GATA6: variants seen among roughly 807,000 people sequenced by gnomAD.
The protein encoded by GATA6 is transcription factor GATA-6.
GATA6 carries 11 observed loss-of-function variants against 48.1 expected under a neutral mutation model. That is an observed-to-expected ratio of 0.23 (90% CI 0.14 to 0.38). The LOEUF (loss-of-function observed/expected upper bound fraction) is 0.38, where lower values mean the gene tolerates loss of function less well. Among genes scored for constraint, GATA6 ranks in the 10% least tolerant of loss-of-function variants. The pLI is 1.00. For synonymous variants in GATA6, 419 were observed against 396.1 expected, an observed-to-expected ratio of 1.06 and a Z score of -0.69; for missense variants, 795 against 850.3, an observed-to-expected ratio of 0.93 and a Z score of 0.81.
rs62092221 is a variant in GATA6, at chr18:22,174,544, T to C, written c.1135+2265T>C. On this transcript the variant is annotated intron_variant, in intron 2 of 6. Transcript: ENST00000269216. Reference sequence around the variant, plus strand: ...ATTTTTTTAAGTATTTTTTTAAGTATGTTTAAAAAAATGGGAAGGGATTTG... The same window carrying C: ...ATTTTTTTAAGTATTTTTTTAAGTACGTTTAAAAAAATGGGAAGGGATTTG... Among the ~76,000 whole-genome samples the C allele has an allele frequency of 5.8e-3, 882 of 152,256 alleles. 3 individuals are homozygous for C. The highest frequency in any genetic ancestry group is 0.01 in the Non-Finnish European group (704 of 68,018).
Position 22,171,324 on chromosome 18 carries a change from C to A in GATA6, c.180C>A (p.Cys60Ter), listed in dbSNP as rs1431278250. 1.3e-6 allele frequency: 2 copies of A among 1,587,778 alleles called. No homozygotes were observed. Among genetic ancestry groups the A allele is most frequent in the Admixed American group, 1.7e-5 (1 of 59,186 alleles). Residue 60 changes from cysteine (C) to a stop codon, truncating the protein, a stop_gained, in exon 2 of 7, where the codon TGC becomes TGA. Coordinates refer to ENST00000269216, the MANE Select transcript of GATA6 (RefSeq NM_005257.6). LOFTEE classifies it high-confidence loss of function. This position sits in a 1 kb window ranked among gnomAD's most constrained non-coding sequence, Gnocchi z 7.1. Reference sequence around the variant, plus strand: ...GGGGCCCCGGCGGCGCCAGCAACTGCGGGACGCCTCAGCTCGACACGGAGG... The same window carrying A: ...GGGGCCCCGGCGGCGCCAGCAACTGAGGGACGCCTCAGCTCGACACGGAGG... Reference protein sequence around the residue: ...GERGPGGASNCGTPQLDTEAA... With the variant: ...GERGPGGASN
At chr18:22,190,847 C>T (rs1399280905) in intron 6 of GATA6, among the ~76,000 whole-genome samples, 1 of 152,150 alleles carries the variant, frequency 6.6e-6, no homozygotes, top group Non-Finnish European at 1.5e-5. Context: ...CCCTATGTGC[C>T]AGGCTCCCTT....
At chr18:22,198,650 A>G (rs2033420379) in intron 6 of GATA6, among the ~76,000 whole-genome samples, 1 of 152,246 alleles carries the variant, frequency 6.6e-6, no homozygotes, top group South Asian at 2.1e-4. Flanking sequence ...TTCTTTTGTA[A>G]TTGAATATCA....
rs2033251110 is a variant in GATA6 at position 22,185,385 on chromosome 18, G to A, written c.1620+2342G>A. Among the ~76,000 whole-genome samples the A allele has an allele frequency of 1.3e-5, 2 of 152,242 alleles. No homozygotes were observed. Among genetic ancestry groups the A allele is most frequent in the Admixed American group, 6.5e-5 (1 of 15,284 alleles). ...TCTTCAGCTGCAAGCTTCCATCCCT[G>A]CGGTAGTCTAGGCAGCCTCCACGGG... On this transcript the variant is annotated intron_variant, in intron 6 of 6. Coordinates refer to ENST00000269216, the MANE Select transcript of GATA6 (RefSeq NM_005257.6). The surrounding 1 kb of genome is among the most constrained non-coding windows in gnomAD (Gnocchi z 4.3).
chr18:22,176,781 T>G, intron 2 of GATA6, 174 bp from the exon 3 acceptor site: 1 of 692,580 alleles, frequency 1.4e-6, no homozygotes, highest in Non-Finnish European at 2.3e-6. Flanking sequence ...AGTGGAGCAA[T>G]AGTGACGAAA....
Position 22,172,364 on chromosome 18 carries a change from C to G in GATA6, c.1135+85C>G. ...GTGGAGCAGCTGCTCCACTCGGGCCCTGTTTTCAGGACTTTCTCGTCCGGG... is the reference window on the plus strand; with the variant it reads ...GTGGAGCAGCTGCTCCACTCGGGCCGTGTTTTCAGGACTTTCTCGTCCGGG... On this transcript the variant is annotated intron_variant, in intron 2 of 6. Coordinates refer to ENST00000269216, the MANE Select transcript of GATA6 (RefSeq NM_005257.6). The surrounding 1 kb of genome is among the most constrained non-coding windows in gnomAD (Gnocchi z 5.2). 6.7e-7 allele frequency: 1 copy of G among 1,488,038 alleles called. No homozygotes were observed. The highest frequency in any genetic ancestry group is 2.2e-5 in the Admixed American group (1 of 46,340). The allele number at this position is 1,488,038 out of a possible 1,614,324, so 92.2% of individuals were successfully genotyped here. A position where few individuals can be genotyped will look rare whatever the true frequency, so the allele number is the denominator to read the frequency against.
intron 3 of GATA6, among the ~76,000 whole-genome samples, chr18:22,179,762 T>C (rs1404510492): frequency 1.3e-5 from 2 of 152,206 alleles, no homozygotes; most frequent in Admixed American, 6.5e-5. Context: ...CCCAGGTAGC[T>C]CTCCTGTGAG....
In GATA6 at chr18:22,201,164, T is replaced by G. The variant is rs954100957; in HGVS notation, c.*341T>G. 11 of 323,008 alleles carry G rather than the reference T, an allele frequency of 3.4e-5. No homozygotes were observed. The highest frequency in any genetic ancestry group is 9.9e-4 in the Middle Eastern group (1 of 1,006). The allele number at this position is 323,008 out of a possible 1,614,324, so 20.0% of individuals were successfully genotyped here. On this transcript the variant is annotated 3_prime_UTR_variant, in exon 7 of 7. Transcript: ENST00000269216. The stretch of plus-strand genomic sequence containing the variant: ...AGATTTTGCATTTTGTCCAAAATCA[T>G]GTGCTTCTTCTGATCAATTTTGGTT...
At chr18:22,177,252 C>T in intron 3 of GATA6, 131 bp downstream of exon 3, 1 of 812,588 alleles carries the variant, frequency 1.2e-6, no homozygotes, top group Non-Finnish European at 1.8e-6. Flanking sequence ...TGCGGTCCCA[C>T]CCTAGCGGGG....
intron 2 of GATA6, among the ~76,000 whole-genome samples, chr18:22,173,053 A>G (rs917040370): frequency 6.6e-6 from 1 of 152,174 alleles, no homozygotes; most frequent in Non-Finnish European, 1.5e-5. Context: ...CTCCCTTCGA[A>G]GTTTAGCCCG....
Position 22,185,032 on chromosome 18 carries a change from G to C in GATA6, c.1620+1989G>C, listed in dbSNP as rs566947955. On this transcript the variant is annotated intron_variant, in intron 6 of 6. Transcript: ENST00000269216. This position sits in a 1 kb window ranked among gnomAD's most constrained non-coding sequence, Gnocchi z 4.3. ...ATATATACCCAACAATGGGCTTCGG[G>C]GACTTGGAACCATTGTGGGTGGAGT... Among the ~76,000 whole-genome samples the C allele has an allele frequency of 6.6e-6, 1 of 152,126 alleles. No homozygotes were observed. The highest frequency in any genetic ancestry group is 1.5e-5 in the Non-Finnish European group (1 of 68,028).
intron 6 of GATA6, among the ~76,000 whole-genome samples, chr18:22,192,966 G>A (rs2033346024): frequency 6.6e-6 from 1 of 152,116 alleles, no homozygotes; most frequent in Non-Finnish European, 1.5e-5. Context: ...GCATAGAATT[G>A]CTTTCGTCTT....
At chr18:22,197,719 A>C (rs1253032492) in intron 6 of GATA6, among the ~76,000 whole-genome samples, 2 of 152,236 alleles carry the variant, frequency 1.3e-5, no homozygotes, top group African/African-American at 4.8e-5. Flanking sequence ...ACCCAGGCAC[A>C]GAGGAGGCTC....
Position 22,200,955 on chromosome 18 carries a change from G to C in GATA6, c.*132G>C. On this transcript the variant is annotated 3_prime_UTR_variant, in exon 7 of 7. Coordinates refer to ENST00000269216, the MANE Select transcript of GATA6 (RefSeq NM_005257.6). ...ATTCTCGTGCCTTTATTTTGAAAGA[G>C]ATGTTTTTCCCAAGAGGCTTGCTGA... is the stretch of plus-strand genomic sequence containing the variant. The C allele has an allele frequency of 9.5e-7, 1 of 1,050,110 alleles. No individual in the cohort carries two copies. The allele number at this position is 1,050,110 out of a possible 1,614,324, so 65.0% of individuals were successfully genotyped here. A position where few individuals can be genotyped will look rare whatever the true frequency, so the allele number is the denominator to read the frequency against.
Position 22,201,425 on chromosome 18 carries a change from G to C in GATA6, c.*602G>C, listed in dbSNP as rs1414125792. The stretch of plus-strand genomic sequence containing the variant: ...TGAAGTCAGTCGGAATTTGTAAACA[G>C]GGTAGCAAACAAGATATTTTTCTTC... On this transcript the variant is annotated 3_prime_UTR_variant, in exon 7 of 7. Coordinates refer to ENST00000269216, the MANE Select transcript of GATA6 (RefSeq NM_005257.6). 1 of 153,488 alleles carries C rather than the reference G, an allele frequency of 6.5e-6. No individual in the cohort carries two copies. The highest frequency in any genetic ancestry group is 1.5e-5 in the Non-Finnish European group (1 of 68,676). The allele number at this position is 153,488 out of a possible 1,614,324, so 9.5% of individuals were successfully genotyped here.
chr18:22,192,170 T>A (rs1000589576), intron 6 of GATA6, among the ~76,000 whole-genome samples: 1 of 152,202 alleles, frequency 6.6e-6, no homozygotes, highest in African/African-American at 2.4e-5. Context: ...GCTCTGTCTG[T>A]GTGAGTATAG....
intron 6 of GATA6, among the ~76,000 whole-genome samples, chr18:22,190,698 A>C (rs2033315102): frequency 6.6e-6 from 1 of 152,204 alleles, no homozygotes; most frequent in Non-Finnish European, 1.5e-5. Flanking sequence ...CGGGACTGGA[A>C]CCGACGTCTC....
Position 22,171,274 on chromosome 18 carries a change from T to C in GATA6, c.130T>C (p.Ser44Pro). Reference protein sequence around the residue: ...TPPSPISSSSSSCSRGGERGP... With the variant: ...TPPSPISSSSPSCSRGGERGP... Reference sequence around the variant, plus strand: ...GCCTTCCCCCATCTCTTCCTCGTCCTCCTCCTGCTCCCGGGGCGGAGAGCG... The same window carrying C: ...GCCTTCCCCCATCTCTTCCTCGTCCCCCTCCTGCTCCCGGGGCGGAGAGCG... The change falls in exon 2 of 7, where the codon TCC becomes CCC. Residue 44 changes from serine to proline, a missense_variant. By Grantham distance (74) the Ser-to-Pro change is moderately conservative (BLOSUM62 -1). Around this residue, in one of 5 missense-constraint regions of GATA6, gnomAD observed 591 missense variants for 570.0 expected, o/e 1.04. Coordinates refer to ENST00000269216, the MANE Select transcript of GATA6 (RefSeq NM_005257.6). The surrounding 1 kb of genome is among the most constrained non-coding windows in gnomAD (Gnocchi z 7.1). 1 of 1,595,414 alleles carries C rather than the reference T, an allele frequency of 6.3e-7. No individual in the cohort carries two copies. The highest frequency in any genetic ancestry group is 8.5e-7 in the Non-Finnish European group (1 of 1,176,912).
chr18:22,194,914 C>T (rs1235335178), intron 6 of GATA6, among the ~76,000 whole-genome samples: 2 of 152,100 alleles, frequency 1.3e-5, no homozygotes, highest in African/African-American at 2.4e-5. Flanking sequence ...GCCTGTAATC[C>T]CAGTACTTTG....
Sources: gnomAD v4.1 joint callset for allele counts (sites outside exome capture counted in the v4.1 genomes callset) on GRCh38, gnomAD v4.1.1 for gene constraint, gnomAD v4.1.1 regional missense constraint, Gnocchi (gnomAD v3.1) non-coding constraint, MANE v1.5 for transcripts, NCBI Gene and HGNC (gene_info 2026-07-23, HGNC 2026-07-21) for gene names.